The following ANKRD11 variants were observed in gnomAD, a reference collection of about 807,000 sequenced individuals.
ANKRD11 encodes ankyrin repeat domain-containing protein 11.
In ANKRD11, 17 loss-of-function variants were observed where a neutral mutation model predicts 195.7. That is an observed-to-expected ratio of 0.09 (90% CI 0.06 to 0.13). The LOEUF (loss-of-function observed/expected upper bound fraction) is 0.13, where lower values mean the gene tolerates loss of function less well. Ranked by LOEUF, ANKRD11 falls within the 10% of genes least tolerant of loss-of-function variation. The probability of loss-of-function intolerance (pLI) is 1.00; values close to 1 mark genes in which losing one functional copy is unlikely to be tolerated. For synonymous variants in ANKRD11, 1,953 were observed against 1,528.1 expected (o/e 1.28, Z -6.49); for missense variants, 3,735 against 3,566.1 (o/e 1.05, Z -1.21).
chr16:89,274,232 C>T (rs577520094), intron 11 of ANKRD11, among the ~76,000 whole-genome samples: 58 of 152,272 alleles, frequency 3.8e-4, no homozygotes, highest in South Asian at 8.3e-4. Flanking sequence ...GTCAAAGGCA[C>T]GGGAGCTGCA....
chr16:89,411,324 C>CA (rs34459628), intron 2 of ANKRD11, among the ~76,000 whole-genome samples: 95,973 of 152,220 alleles, frequency 0.63, 31,268 homozygotes, highest in African/African-American at 0.81. Context: ...TCCCTGCACA[C>CA]AGCGGTGGGA....
intron 3 of ANKRD11, among the ~76,000 whole-genome samples, chr16:89,306,811 G>A (rs1597564042): frequency 4.2e-5 from 3 of 70,800 alleles, no homozygotes; most frequent in Admixed American, 4.0e-4. Context: ...GCAGACACGC[G>A]CCACCTCCCA....
chr16:89,452,470 C>A (rs1018172442), intron 1 of ANKRD11, among the ~76,000 whole-genome samples: 14 of 152,096 alleles, frequency 9.2e-5, no homozygotes, highest in Non-Finnish European at 1.3e-4. Context: ...CTGTTAGAAA[C>A]CACAGCGGGT....
At chr16:89,353,252 G>A (rs962733755) in intron 2 of ANKRD11, among the ~76,000 whole-genome samples, 4 of 151,878 alleles carry the variant, frequency 2.6e-5, no homozygotes, top group Non-Finnish European at 5.9e-5. Context: ...TGAGGCAGGA[G>A]AATTGCTTCA....
intron 1 of ANKRD11, among the ~76,000 whole-genome samples, chr16:89,469,740 T>C (rs2057007101): frequency 6.7e-6 from 1 of 148,838 alleles, no homozygotes; most frequent in East Asian, 2.2e-4. Context: ...CTACTAAAAA[T>C]GCAAAAAAAA....
At chr16:89,475,636 A>T (rs1434159454) in intron 1 of ANKRD11, among the ~76,000 whole-genome samples, 1 of 152,230 alleles carries the variant, frequency 6.6e-6, no homozygotes, top group Non-Finnish European at 1.5e-5. Context: ...GGAAGTCTGA[A>T]AACAGTACTA....
intron 2 of ANKRD11, among the ~76,000 whole-genome samples, chr16:89,342,300 C>G (rs567545693): frequency 1.3e-5 from 2 of 152,382 alleles, no homozygotes; most frequent in African/African-American, 4.8e-5. Flanking sequence ...AGCCCAGGCT[C>G]AGACCTCAGA....
At chr16:89,401,740 T>G (rs534905792) in intron 2 of ANKRD11, among the ~76,000 whole-genome samples, 24 of 152,146 alleles carry the variant, frequency 1.6e-4, no homozygotes, top group African/African-American at 5.3e-4. Flanking sequence ...CCCACAGAAC[T>G]AGCTTCCTTC....
chr16:89,379,246 CT>C (rs1034529847), intron 2 of ANKRD11, among the ~76,000 whole-genome samples: 13 of 152,230 alleles, frequency 8.5e-5, no homozygotes, highest in African/African-American at 3.1e-4. Flanking sequence ...CAGGCTCATG[CT>C]TTTTTAATCC....
At chr16:89,430,354 C>G (rs2042923187) in intron 1 of ANKRD11, among the ~76,000 whole-genome samples, 1 of 148,042 alleles carries the variant, frequency 6.8e-6, no homozygotes, top group African/African-American at 2.5e-5. Context: ...CAGGGACTCT[C>G]AACTCTCACG....
intron 1 of ANKRD11, among the ~76,000 whole-genome samples, chr16:89,480,968 T>C (rs960522056): frequency 6.6e-6 from 1 of 152,126 alleles, no homozygotes; most frequent in Admixed American, 6.5e-5. Flanking sequence ...ATCTGTCAAA[T>C]GTCCCCAGGG....
intron 2 of ANKRD11, among the ~76,000 whole-genome samples, chr16:89,386,450 A>G (rs1474676963): frequency 6.6e-6 from 1 of 152,156 alleles, no homozygotes; most frequent in Non-Finnish European, 1.5e-5. Context: ...CCCTAGCAAG[A>G]GGCCCTCTTT....
intron 9 of ANKRD11, chr16:89,277,505 C>A (rs569957861): frequency 6.6e-6 from 1 of 152,254 alleles, no homozygotes; most frequent in Non-Finnish European, 1.5e-5. Context: ...GTGTTATGAT[C>A]CATTAAACGA....
At chr16:89,438,342 C>A (rs2043302975) in intron 1 of ANKRD11, among the ~76,000 whole-genome samples, 1 of 150,088 alleles carries the variant, frequency 6.7e-6, no homozygotes, top group Non-Finnish European at 1.5e-5. Context: ...TTTTTCAACA[C>A]AGAGTCTCAC....
intron 1 of ANKRD11, among the ~76,000 whole-genome samples, chr16:89,459,654 A>G (rs1264602903): frequency 6.6e-6 from 1 of 152,220 alleles, no homozygotes; most frequent in East Asian, 1.9e-4. Context: ...ATCGTGTTCT[A>G]TAAAAAGGTT....
intron 5 of ANKRD11, 71 bp downstream of exon 5, chr16:89,290,942 G>A: frequency 6.2e-7 from 1 of 1,609,844 alleles, no homozygotes; most frequent in Admixed American, 1.7e-5. Flanking sequence ...CTTGTCCTCA[G>A]CACAGCCATG....
intron 2 of ANKRD11, among the ~76,000 whole-genome samples, chr16:89,410,573 G>C (rs990226699): frequency 6.6e-6 from 1 of 152,134 alleles, no homozygotes; most frequent in African/African-American, 2.4e-5. Flanking sequence ...TACTGCTCTG[G>C]TTCTGCCCTC....
At chr16:89,480,147 T>C (rs1418416304) in intron 1 of ANKRD11, among the ~76,000 whole-genome samples, 2 of 151,312 alleles carry the variant, frequency 1.3e-5, no homozygotes, top group Admixed American at 6.6e-5. Flanking sequence ...CCAAGTATTA[T>C]TGCCTTCCTT....
At chr16:89,338,456 T>G (rs11861832) in intron 2 of ANKRD11, among the ~76,000 whole-genome samples, 6 of 148,514 alleles carry the variant, frequency 4.0e-5, no homozygotes, top group African/African-American at 1.5e-4. Context: ...GACCAGGCGC[T>G]GTGGCTCACA....
Sources: gnomAD v4.1 joint callset for allele counts (sites outside exome capture counted in the v4.1 genomes callset) on GRCh38, gnomAD v4.1.1 for gene constraint, MANE v1.5 for transcripts, NCBI Gene and HGNC (gene_info 2026-07-23, HGNC 2026-07-21) for gene names.